Variants in GNA12 observed in about 807,000 individuals in gnomAD.
GNA12 encodes guanine nucleotide-binding protein subunit alpha-12.
GNA12 carries 9 observed loss-of-function variants against 26.0 expected under a neutral mutation model. That is an observed-to-expected ratio of 0.35 (90% CI 0.21 to 0.60). The LOEUF is 0.60. Among genes scored for constraint, GNA12 ranks in the 20% least tolerant of loss-of-function variants. The pLI, the probability that GNA12 is intolerant of heterozygous loss-of-function variation, is 0.78. For synonymous variants in GNA12, 264 were observed against 219.6 expected (o/e 1.20, Z -1.79); for missense variants, 405 against 525.8 (o/e 0.77, Z 2.25).
chr7:2,835,425 T>C (rs1410473517), intron 1 of GNA12, among the ~76,000 whole-genome samples: 1 of 152,210 alleles, frequency 6.6e-6, no homozygotes, highest in Non-Finnish European at 1.5e-5. Context: ...GCCGGTCCCT[T>C]TAACTGGCAT....
At chr7:2,817,015 TAAC>T (rs1287734133) in intron 1 of GNA12, among the ~76,000 whole-genome samples, 3 of 152,174 alleles carry the variant, frequency 2.0e-5, no homozygotes, top group African/African-American at 7.2e-5. Flanking sequence ...ACTCCCCACT[TAAC>T]AAACAATGAC....
chr7:2,756,241 C>G (rs1298740813), intron 2 of GNA12, among the ~76,000 whole-genome samples: 1 of 152,024 alleles, frequency 6.6e-6, no homozygotes, highest in Non-Finnish European at 1.5e-5. Flanking sequence ...AACTGGTGAT[C>G]TGCACATAAC....
intron 2 of GNA12, among the ~76,000 whole-genome samples, chr7:2,768,625 T>G (rs182021625): frequency 5.9e-4 from 88 of 149,576 alleles, no homozygotes; most frequent in African/African-American, 2.1e-3. Context: ...GAAAATTAAT[T>G]CAGTTATAAA....
At chr7:2,838,538 C>T (rs927456995) in intron 1 of GNA12, among the ~76,000 whole-genome samples, 10 of 152,086 alleles carry the variant, frequency 6.6e-5, no homozygotes, top group African/African-American at 1.9e-4. Flanking sequence ...GAGCCATGAT[C>T]GTGCCACTGC....
intron 2 of GNA12, among the ~76,000 whole-genome samples, chr7:2,793,087 CTCA>C (rs1370513976): frequency 1.3e-5 from 2 of 152,356 alleles, no homozygotes; most frequent in Admixed American, 1.3e-4. Flanking sequence ...AATGCATCCC[CTCA>C]TCCTGATGAC....
chr7:2,795,750 G>A (rs142003064), intron 1 of GNA12, among the ~76,000 whole-genome samples: 20 of 152,066 alleles, frequency 1.3e-4, no homozygotes, highest in African/African-American at 3.9e-4. Context: ...ACAACTGGGC[G>A]GGGAGGAGGT....
chr7:2,825,142 G>C (rs1009691513), intron 1 of GNA12, among the ~76,000 whole-genome samples: 2 of 152,212 alleles, frequency 1.3e-5, no homozygotes, highest in East Asian at 3.8e-4. Context: ...CACCCAACAG[G>C]AAACAAGCAG....
chr7:2,793,839 G>A (rs968915695), intron 2 of GNA12, among the ~76,000 whole-genome samples: 2 of 143,928 alleles, frequency 1.4e-5, no homozygotes, highest in African/African-American at 5.3e-5. Context: ...CTGAGATGGC[G>A]CCACTGCACT....
chr7:2,734,488 C>T lies in GNA12; in HGVS notation c.526-987G>A, dbSNP rs980368175. 1.2e-4 allele frequency among the ~76,000 whole-genome samples: 19 copies of T among 152,162 alleles called. 1 individual carries two copies. Among genetic ancestry groups the T allele is most frequent in the Non-Finnish European group, 2.6e-4 (18 of 68,032 alleles). On this transcript the variant is annotated intron_variant, in intron 2 of 3. Transcript: ENST00000275364. ...CAGGGGCAAGGTCATACACATGTGG[C>T]GAGCTGACGCAGGAGAATTTTAAGG... is the stretch of plus-strand genomic sequence containing the variant.
chr7:2,786,950 C>T (rs544810683), intron 2 of GNA12, among the ~76,000 whole-genome samples: 6 of 152,202 alleles, frequency 3.9e-5, no homozygotes, highest in Non-Finnish European at 8.8e-5. Flanking sequence ...AAGGAAGACA[C>T]CAGATGCCAC....
chr7:2,766,110 A>T (rs1381983432), intron 2 of GNA12, among the ~76,000 whole-genome samples: 1 of 152,110 alleles, frequency 6.6e-6, no homozygotes, highest in Non-Finnish European at 1.5e-5. Flanking sequence ...CACTAATTAA[A>T]CAACTCCCAT....
chr7:2,769,648 G>C (rs573507973), intron 2 of GNA12, among the ~76,000 whole-genome samples: 10 of 152,228 alleles, frequency 6.6e-5, no homozygotes, highest in African/African-American at 2.2e-4. Context: ...CAGGACAATG[G>C]CACGAACCCG....
intron 2 of GNA12, chr7:2,762,709 C>T (rs1453256054): frequency 1.3e-6 from 2 of 1,564,664 alleles, no homozygotes; most frequent in African/African-American, 1.4e-5. Flanking sequence ...GGAGGAGCGC[C>T]AGAGGGAAGC....
intron 2 of GNA12, among the ~76,000 whole-genome samples, chr7:2,769,674 A>G (rs1236768186): frequency 6.6e-6 from 1 of 152,066 alleles, no homozygotes; most frequent in Non-Finnish European, 1.5e-5. Context: ...TGGAGCTTGC[A>G]GTGAGCCGAG....
intron 2 of GNA12, among the ~76,000 whole-genome samples, chr7:2,748,415 T>A (rs997832319): frequency 6.6e-6 from 1 of 152,188 alleles, no homozygotes; most frequent in African/African-American, 2.4e-5. Context: ...GGGGAAAGGA[T>A]TCCCTATTTA....
intron 2 of GNA12, among the ~76,000 whole-genome samples, chr7:2,794,448 A>G (rs1009965317): frequency 2.6e-5 from 4 of 152,226 alleles, no homozygotes; most frequent in East Asian, 1.9e-4. Flanking sequence ...ATGAATCTAA[A>G]TAACTGGGCT....
chr7:2,810,742 A>T (rs1793060360), intron 1 of GNA12, among the ~76,000 whole-genome samples: 1 of 152,106 alleles, frequency 6.6e-6, no homozygotes, highest in Non-Finnish European at 1.5e-5. Flanking sequence ...AAAACACAAA[A>T]TTAGGTGGGT....
At chr7:2,824,782 T>TA (rs891806962) in intron 1 of GNA12, among the ~76,000 whole-genome samples, 18 of 151,946 alleles carry the variant, frequency 1.2e-4, no homozygotes, top group African/African-American at 3.1e-4. Context: ...CAAACCGCAA[T>TA]AAAAAAATCC....
chr7:2,749,279 A>G (rs1013352213), intron 2 of GNA12, among the ~76,000 whole-genome samples: 1 of 152,220 alleles, frequency 6.6e-6, no homozygotes, highest in African/African-American at 2.4e-5. Flanking sequence ...CAACAATGAT[A>G]GACTGGATTA....
Sources: allele counts gnomAD v4.1 joint callset (sites outside exome capture counted in the v4.1 genomes callset), GRCh38; gene constraint gnomAD v4.1.1; transcripts MANE v1.5; gene names NCBI Gene and HGNC (gene_info 2026-07-23, HGNC 2026-07-21).